The following SCN8A variants were observed in gnomAD, a reference collection of about 807,000 sequenced individuals.
SCN8A encodes the protein sodium voltage-gated channel alpha subunit 8, also known as sodium channel protein type 8 subunit alpha.
A neutral mutation model predicts 184.1 loss-of-function variants in SCN8A; 30 were observed. That is an observed-to-expected ratio of 0.16 (90% CI 0.12 to 0.22). The LOEUF is 0.22. SCN8A is among the 10% of genes least tolerant of loss of function. SCN8A has a pLI of 1.00. For missense variants in SCN8A, 1,057 were observed against 2,498.9 expected, an observed-to-expected ratio of 0.42 and a Z score of 12.30; for synonymous variants, 852 against 907.0, an observed-to-expected ratio of 0.94 and a Z score of 1.09.
At chr12:51,785,645 TA>T (rs1938063965) in intron 21 of SCN8A, among the ~76,000 whole-genome samples, 1 of 152,204 alleles carries the variant, frequency 6.6e-6, no homozygotes, top group South Asian at 2.1e-4. Context: ...CTTTGATTCC[TA>T]AGGGGTTTTT....
intron 1 of SCN8A, among the ~76,000 whole-genome samples, chr12:51,655,625 A>G (rs1592358652): frequency 6.6e-6 from 1 of 152,030 alleles, no homozygotes; most frequent in East Asian, 1.9e-4. Context: ...CTTCCCATCT[A>G]AGCCTCCCAA....
At chr12:51,604,436 G>A (rs1349318723) in intron 1 of SCN8A, among the ~76,000 whole-genome samples, 2 of 151,882 alleles carry the variant, frequency 1.3e-5, no homozygotes, top group Non-Finnish European at 1.5e-5. Context: ...GTGTGTCTGC[G>A]CCTTCCTCAA....
At chr12:51,721,099 ATATATATAATATTTATTTATTGT>A (rs746449282) in intron 11 of SCN8A, among the ~76,000 whole-genome samples, 23,710 of 104,726 alleles carry the variant, frequency 0.23, 2,687 homozygotes, top group East Asian at 0.52. Context: ...ATATATATAT[ATATATATAATATTTATTTATTGT>A]TATATATATA....
intron 1 of SCN8A, among the ~76,000 whole-genome samples, chr12:51,617,184 A>G (rs1939858450): frequency 6.6e-6 from 1 of 152,098 alleles, no homozygotes; most frequent in Non-Finnish European, 1.5e-5. Context: ...GTTTCTTCAA[A>G]TACTTTTTGT....
intron 21 of SCN8A, among the ~76,000 whole-genome samples, chr12:51,782,574 A>T (rs528725410): frequency 1.3e-5 from 2 of 152,304 alleles, no homozygotes; most frequent in South Asian, 2.1e-4. Flanking sequence ...CCAAAAAGAG[A>T]TTGGTAATAC....
intron 12 of SCN8A, among the ~76,000 whole-genome samples, chr12:51,744,507 T>A (rs1466924724): frequency 6.6e-6 from 1 of 151,326 alleles, no homozygotes; most frequent in African/African-American, 2.4e-5. Context: ...GGAAATCGGT[T>A]TTTTTTTTCC....
intron 2 of SCN8A, among the ~76,000 whole-genome samples, chr12:51,664,044 G>A (rs1039710969): frequency 6.6e-6 from 1 of 150,470 alleles, no homozygotes; most frequent in Non-Finnish European, 1.5e-5. Context: ...TGCGTAGCTG[G>A]GACTACAGGC....
intron 26 of SCN8A, among the ~76,000 whole-genome samples, chr12:51,801,618 G>A (rs1247663082): frequency 6.6e-6 from 1 of 152,166 alleles, no homozygotes; most frequent in Admixed American, 6.5e-5. Flanking sequence ...CCCGAGCTGC[G>A]ATATTAAACA....
chr12:51,616,252 A>G (rs1346924744), intron 1 of SCN8A, among the ~76,000 whole-genome samples: 1 of 152,136 alleles, frequency 6.6e-6, no homozygotes, highest in Non-Finnish European at 1.5e-5. Flanking sequence ...TCTGTATTTC[A>G]TCATCATCTT....
intron 14 of SCN8A, among the ~76,000 whole-genome samples, chr12:51,759,173 T>C (rs1942726770): frequency 2.6e-5 from 4 of 151,982 alleles, no homozygotes; most frequent in Admixed American, 2.6e-4. Context: ...AGAGAAATGA[T>C]TGATGTTAAG....
At chr12:51,681,943 G>A (rs994084260) in intron 2 of SCN8A, among the ~76,000 whole-genome samples, 1 of 152,004 alleles carries the variant, frequency 6.6e-6, no homozygotes, top group African/African-American at 2.4e-5. Context: ...TAATTGTAGG[G>A]GATGGAGGTT....
Position 51,704,515 on chromosome 12 carries a change from C to T in SCN8A, c.1135-902C>T, listed in dbSNP as rs185534638. Among the ~76,000 whole-genome samples, 552 of 150,524 alleles carry T rather than the reference C, an allele frequency of 3.7e-3. 2 individuals carry two copies. Among genetic ancestry groups the T allele is most frequent in the African/African-American group, 0.013 (522 of 41,036 alleles). On this transcript the variant is annotated intron_variant, in intron 9 of 26. Transcript: ENST00000627620. ...TGAAACCACATCTCTACTAAAAATA[C>T]AAAAATTAGCTGGGCATGGTGGCAC...
chr12:51,636,506 A>G (rs755610358), intron 1 of SCN8A, among the ~76,000 whole-genome samples: 12 of 152,196 alleles, frequency 7.9e-5, no homozygotes, highest in Non-Finnish European at 1.5e-4. Flanking sequence ...TTTATTGCAG[A>G]GATCCTAAAC....
Position 51,791,588 on chromosome 12 carries a change from A to G in SCN8A, c.4524+1086A>G, listed in dbSNP as rs553710826. Among the ~76,000 whole-genome samples the G allele has an allele frequency of 1.3e-3, 197 of 152,352 alleles. 1 individual carries two copies. The highest frequency in any genetic ancestry group is 2.1e-3 in the Non-Finnish European group (146 of 68,034). ...TGTGATAGAAATGGGACTAAAGGGA[A>G]TAGAAAAGGGTTAACATTTCTAAAG... On this transcript the variant is annotated intron_variant, in intron 25 of 26. Transcript: ENST00000627620.
At chr12:51,687,056 C>G in intron 4 of SCN8A, 35 bp from the exon 5 acceptor site, 1 of 1,611,380 alleles carries the variant, frequency 6.2e-7, no homozygotes, top group Non-Finnish European at 8.5e-7. Context: ...AGTTTCTGTC[C>G]AGAAATTACC....
At chr12:51,603,469 G>A (rs896054825) in intron 1 of SCN8A, among the ~76,000 whole-genome samples, 1 of 152,102 alleles carries the variant, frequency 6.6e-6, no homozygotes, top group Non-Finnish European at 1.5e-5. Flanking sequence ...CCAGTTTCTG[G>A]TGATTATGAA....
chr12:51,754,805 G>A (rs971164295), intron 14 of SCN8A, among the ~76,000 whole-genome samples: 1 of 152,174 alleles, frequency 6.6e-6, no homozygotes, highest in African/African-American at 2.4e-5. Context: ...TTAGATGCAG[G>A]TTCTGCATTT....
intron 19 of SCN8A, among the ~76,000 whole-genome samples, chr12:51,772,280 A>G (rs1942936596): frequency 6.6e-6 from 1 of 152,002 alleles, no homozygotes; most frequent in Non-Finnish European, 1.5e-5. Context: ...CTGTAATCCC[A>G]GCTACTCAGG....
intron 18 of SCN8A, 49 bp downstream of exon 18, chr12:51,770,034 C>G (rs750700418): frequency 1.5e-6 from 2 of 1,305,574 alleles, no homozygotes; most frequent in Admixed American, 3.9e-5. Context: ...GTGTTGCTCA[C>G]AGACACAGTT....
Sources: gnomAD v4.1 joint callset for allele counts (sites outside exome capture counted in the v4.1 genomes callset) on GRCh38, gnomAD v4.1.1 for gene constraint, MANE v1.5 for transcripts, NCBI Gene and HGNC (gene_info 2026-07-23, HGNC 2026-07-21) for gene names.